CDH9: variants seen among roughly 807,000 people sequenced by gnomAD.
The protein encoded by CDH9 is cadherin 9, also known as cadherin-9.
A neutral mutation model predicts 70.9 loss-of-function variants in CDH9; 28 were observed. The ratio of observed to expected loss-of-function variants is 0.40; its 90% CI spans 0.29 to 0.54. The LOEUF is 0.54. Among genes scored for constraint, CDH9 ranks in the 20% least tolerant of loss-of-function variants. The pLI is 0.59. For missense variants in CDH9, 874 were observed against 984.4 expected (o/e 0.89, Z 1.50); for synonymous variants, 409 against 343.1 (o/e 1.19, Z -2.12).
intron 2 of CDH9, among the ~76,000 whole-genome samples, chr5:26,959,261 A>G (rs1741994868): frequency 6.6e-6 from 1 of 152,162 alleles, no homozygotes; most frequent in South Asian, 2.1e-4. Flanking sequence ...AAAATGCTCT[A>G]TGAGATTAGT....
At chr5:26,925,486 C>T (rs1741321367) in intron 2 of CDH9, among the ~76,000 whole-genome samples, 1 of 151,978 alleles carries the variant, frequency 6.6e-6, no homozygotes, top group South Asian at 2.1e-4. Context: ...ATATTTTCTC[C>T]CATTCTGTAG....
chr5:26,963,639 C>T (rs2876844), intron 2 of CDH9, among the ~76,000 whole-genome samples: 106,559 of 152,038 alleles, frequency 0.7, 40,729 homozygotes, highest in East Asian at 0.99. Flanking sequence ...ATTTTGTATA[C>T]TTTTCCTAGA....
At chr5:26,985,437 T>C (rs1347373680) in intron 2 of CDH9, among the ~76,000 whole-genome samples, 3 of 152,114 alleles carry the variant, frequency 2.0e-5, no homozygotes, top group African/African-American at 7.2e-5. Context: ...GACTAAATCT[T>C]ATAAGTTGCA....
intron 2 of CDH9, among the ~76,000 whole-genome samples, chr5:26,984,743 T>A (rs1742461400): frequency 6.6e-6 from 1 of 152,098 alleles, no homozygotes. Flanking sequence ...TAGATGACAA[T>A]TATTATGACT....
chr5:26,888,497 AT>A (rs888165067), intron 9 of CDH9, among the ~76,000 whole-genome samples: 3 of 152,156 alleles, frequency 2.0e-5, no homozygotes, highest in Admixed American at 2.0e-4. Flanking sequence ...ATTCAAAAAA[AT>A]CATTTACTAA....
At chr5:27,013,467 G>A (rs1184395175) in intron 1 of CDH9, among the ~76,000 whole-genome samples, 1 of 151,896 alleles carries the variant, frequency 6.6e-6, no homozygotes, top group Non-Finnish European at 1.5e-5. Flanking sequence ...CCGAACATAG[G>A]ATGAGGCTTC....
At chr5:26,961,874 C>A (rs1306128561) in intron 2 of CDH9, among the ~76,000 whole-genome samples, 2 of 152,052 alleles carry the variant, frequency 1.3e-5, no homozygotes, top group African/African-American at 4.8e-5. Flanking sequence ...ATGTGCACAA[C>A]GTGCAGGTTT....
intron 2 of CDH9, among the ~76,000 whole-genome samples, chr5:26,975,363 G>A (rs1048801373): frequency 1.3e-5 from 2 of 152,064 alleles, no homozygotes; most frequent in Admixed American, 6.6e-5. Flanking sequence ...AATATAGAAA[G>A]TCTTATTCTT....
chr5:26,930,765 C>T (rs192203881), intron 2 of CDH9, among the ~76,000 whole-genome samples: 5 of 152,006 alleles, frequency 3.3e-5, no homozygotes, highest in Admixed American at 2.6e-4. Context: ...AACTTCTTGT[C>T]CAATTTTAAT....
chr5:26,949,836 ACT>A (rs1468520946), intron 2 of CDH9, among the ~76,000 whole-genome samples: 2 of 152,090 alleles, frequency 1.3e-5, no homozygotes, highest in Non-Finnish European at 2.9e-5. Flanking sequence ...AGAAAACAAA[ACT>A]CTATTTGTAT....
chr5:26,972,534 A>T (rs1742237223), intron 2 of CDH9, among the ~76,000 whole-genome samples: 1 of 152,142 alleles, frequency 6.6e-6, no homozygotes, highest in Non-Finnish European at 1.5e-5. Context: ...CAGCCAAAAA[A>T]GTCAGCCCTC....
intron 2 of CDH9, among the ~76,000 whole-genome samples, chr5:26,947,033 T>C (rs1741766681): frequency 6.6e-6 from 1 of 152,154 alleles, no homozygotes; most frequent in Admixed American, 6.5e-5. Flanking sequence ...GATACATAAT[T>C]GTTATGGATA....
chr5:27,023,263 A>T (rs1021390933), intron 1 of CDH9, among the ~76,000 whole-genome samples: 8 of 152,090 alleles, frequency 5.3e-5, no homozygotes, highest in African/African-American at 2.4e-5. Flanking sequence ...GGAAGACAGA[A>T]TAGACACTTT....
intron 7 of CDH9, among the ~76,000 whole-genome samples, chr5:26,901,959 C>T (rs1040628574): frequency 2.0e-5 from 3 of 151,464 alleles, no homozygotes; most frequent in Non-Finnish European, 4.4e-5. Flanking sequence ...TGTGTTAGGC[C>T]CAACAATTTT....
rs76789858 is a variant in CDH9 at position 26,911,436 on chromosome 5, G to T, written c.523+4194C>A. Among the ~76,000 whole-genome samples, 581 of 152,164 alleles carry T rather than the reference G, an allele frequency of 3.8e-3. 4 individuals carry two copies. Among genetic ancestry groups the T allele is most frequent in the African/African-American group, 0.013 (553 of 41,522 alleles). The stretch of plus-strand genomic sequence containing the variant: ...CTGGGACATGAAGAATTCATTGACC[G>T]AGTTATTTTTGTTGTCTGTAAAAAA... On this transcript the variant is annotated intron_variant, in intron 3 of 11. Coordinates refer to ENST00000231021, the MANE Select transcript of CDH9 (RefSeq NM_016279.4).
At chr5:27,005,819 A>T (rs1164983127) in intron 1 of CDH9, among the ~76,000 whole-genome samples, 1 of 152,170 alleles carries the variant, frequency 6.6e-6, no homozygotes, top group Non-Finnish European at 1.5e-5. Context: ...CATAGATACC[A>T]TGGAATACTG....
chr5:26,974,440 T>A (rs1349360988), intron 2 of CDH9, among the ~76,000 whole-genome samples: 1 of 152,110 alleles, frequency 6.6e-6, no homozygotes, highest in Non-Finnish European at 1.5e-5. Context: ...TTGTGTTTAA[T>A]CAGTGCCGTG....
chr5:27,001,840 ACACACT>A (rs1742774413), intron 1 of CDH9, among the ~76,000 whole-genome samples: 3 of 123,552 alleles, frequency 2.4e-5, no homozygotes, highest in Admixed American at 7.8e-5. Flanking sequence ...ACACACACAC[ACACACT>A]CTCTCTCTCT....
At chr5:27,002,962 CA>C (rs935176355) in intron 1 of CDH9, among the ~76,000 whole-genome samples, 5 of 151,054 alleles carry the variant, frequency 3.3e-5, no homozygotes, top group African/African-American at 1.2e-4. Flanking sequence ...AATAAAAAGA[CA>C]AAAAAAAGAA....
Sources: gnomAD v4.1 joint callset for allele counts (sites outside exome capture counted in the v4.1 genomes callset) on GRCh38, gnomAD v4.1.1 for gene constraint, MANE v1.5 for transcripts, NCBI Gene and HGNC (gene_info 2026-07-23, HGNC 2026-07-21) for gene names.